TAF1B: variants seen among roughly 807,000 people sequenced by gnomAD.
TAF1B encodes the protein TATA-box binding protein associated factor, RNA polymerase I subunit B.
Under a neutral mutation model 83.9 loss-of-function variants are expected in TAF1B, and 61 were observed. The ratio of observed to expected loss-of-function variants is 0.73; its 90% confidence interval spans 0.59 to 0.90. The LOEUF (loss-of-function observed/expected upper bound fraction) is 0.90. TAF1B is among the 40% of genes least tolerant of loss of function. The pLI, the probability that TAF1B is intolerant of heterozygous loss-of-function variation, is 0.00. For missense variants in TAF1B, 625 were observed against 677.0 expected, an observed-to-expected ratio of 0.92 and a Z score of 0.85; for synonymous variants, 221 against 224.6, an observed-to-expected ratio of 0.98 and a Z score of 0.14.
Position 9,911,453 on chromosome 2 carries a change from T to C in TAF1B, c.1134-58T>C, listed in dbSNP as rs1047711314. 6.7e-6 allele frequency: 9 copies of C among 1,344,916 alleles called. No homozygotes were observed. In the Admixed American group the frequency reaches 2.3e-4, roughly 34 times the overall value. The allele number at this position is 1,344,916 out of a possible 1,614,324, so 83.3% of individuals were successfully genotyped here. A position where few individuals can be genotyped will look rare whatever the true frequency, so the allele number is the denominator to read the frequency against. ...ACTTTTCTCTCAGAAGAATTCAGAA[T>C]TTATCTTTCCAAATACATGACTTCT... On this transcript the variant is annotated intron_variant, in intron 10 of 14. Coordinates refer to ENST00000263663, the MANE Select transcript of TAF1B (RefSeq NM_005680.3).
intron 5 of TAF1B, among the ~76,000 whole-genome samples, chr2:9,859,314 G>T (rs956135825): frequency 2.6e-5 from 4 of 151,370 alleles, no homozygotes; most frequent in African/African-American, 4.9e-5. Flanking sequence ...CTTTACTCCA[G>T]TTCCCAATAA....
intron 14 of TAF1B, among the ~76,000 whole-genome samples, chr2:9,922,039 G>A (rs1220638352): frequency 9.2e-5 from 14 of 152,166 alleles, no homozygotes; most frequent in Admixed American, 9.2e-4. Flanking sequence ...TATATTTAAA[G>A]TAATCTCATC....
chr2:9,919,692 G>T lies in TAF1B; in HGVS notation c.1437G>T (p.Trp479Cys), dbSNP rs779637593. 27 of 1,613,996 alleles carry T rather than the reference G, an allele frequency of 1.7e-5. 1 individual carries two copies. In the African/African-American group the frequency reaches 2.9e-4, roughly 18 times the overall value. The part of the protein sequence containing the change: ...KKSPSSFQFN[W>C]TEEDTDRTCF... ...GCCCTTCAAGTTTTCAGTTCAACTG[G>T]ACTGAAGAGGACACTGATAGAACGT... The change falls in exon 14 of 15, where the codon TGG (tryptophan) becomes TGT (cysteine). Residue 479 changes from tryptophan (W) to cysteine (C), a missense_variant. Transcript: ENST00000263663.
At chr2:9,875,831 C>G (rs770116883) in intron 6 of TAF1B, 34 bp from the exon 7 acceptor site, 3 of 1,545,322 alleles carry the variant, frequency 1.9e-6, no homozygotes, top group Middle Eastern at 1.7e-4. Flanking sequence ...AAATAGTTCA[C>G]TGGATTTTTA....
chr2:9,867,045 C>T (rs957170466), intron 5 of TAF1B, among the ~76,000 whole-genome samples: 22 of 152,112 alleles, frequency 1.4e-4, no homozygotes, highest in African/African-American at 5.1e-4. Context: ...ATGTAAGAAA[C>T]CTGCATGTTG....
intron 8 of TAF1B, among the ~76,000 whole-genome samples, chr2:9,893,152 C>G (rs1343441003): frequency 6.6e-6 from 1 of 152,110 alleles, no homozygotes; most frequent in Non-Finnish European, 1.5e-5. Context: ...AAGAGTAGTA[C>G]AAAGAATGCC....
At chr2:9,913,370 T>C (rs1440608496) in intron 12 of TAF1B, 121 bp downstream of exon 12, 2 of 706,880 alleles carry the variant, frequency 2.8e-6, no homozygotes, top group East Asian at 5.2e-5. Context: ...TTTCTGGAAA[T>C]ATTAGCCCTA....
intron 8 of TAF1B, 119 bp downstream of exon 8, chr2:9,882,924 T>C: frequency 1.6e-6 from 1 of 639,076 alleles, no homozygotes. Context: ...ATATGGAACA[T>C]CAGTCATAAT....
At chr2:9,882,561 A>G (rs1366185218) in intron 7 of TAF1B, 145 bp from the exon 8 acceptor site, 1 of 497,140 alleles carries the variant, frequency 2.0e-6, no homozygotes, top group African/African-American at 2.0e-5. Context: ...ATATGATTAG[A>G]TTTATTATCC....
At position 9,894,252 on chromosome 2, in the gene TAF1B, C is replaced by A. The variant is rs559074707; in HGVS notation, c.808-10607C>A. ...AAACAGTAAGTTTAAACACTATTTT[C>A]AGAAAAATTCAAATTGATCTGTTGG... On this transcript the variant is annotated intron_variant, in intron 8 of 14. Coordinates refer to ENST00000263663, the MANE Select transcript of TAF1B (RefSeq NM_005680.3). Among the ~76,000 whole-genome samples the A allele has an allele frequency of 8.4e-3, 1,278 of 151,682 alleles. 38 individuals carry two copies. The highest frequency in any genetic ancestry group is 0.01 in the Middle Eastern group (3 of 292).
Position 9,849,954 on chromosome 2 carries a change from G to A in TAF1B, c.205+494G>A, listed in dbSNP as rs117670086. 1.1e-3 allele frequency among the ~76,000 whole-genome samples: 168 copies of A among 152,088 alleles called. 1 individual carries two copies. The East Asian group carries it at 0.024, about 22-fold the overall frequency. ...ACCAAATCCCCAAGTTTGAAACCAG[G>A]CTGATGATAATGGGGACTCTTCTAC... On this transcript the variant is annotated intron_variant, in intron 3 of 14. Coordinates refer to ENST00000263663, the MANE Select transcript of TAF1B (RefSeq NM_005680.3).
chr2:9,869,953 G>C (rs753923741), intron 6 of TAF1B, among the ~76,000 whole-genome samples: 8 of 152,002 alleles, frequency 5.3e-5, no homozygotes, highest in Non-Finnish European at 1.2e-4. Flanking sequence ...AAAATCACCA[G>C]TTACTGTACC....
At chr2:9,919,965 A>T in intron 14 of TAF1B, 145 bp downstream of exon 14, 1 of 762,048 alleles carries the variant, frequency 1.3e-6, no homozygotes, top group Non-Finnish European at 2.1e-6. Flanking sequence ...TAGGAGTTCT[A>T]GGAAAGCTGG....
rs1467552089 is a variant in TAF1B at position 9,919,676 on chromosome 2, GT to G, written c.1425del (p.Gln476SerfsTer23). On this transcript the variant is annotated frameshift_variant, in exon 14 of 15. Transcript: ENST00000263663. LOFTEE classifies it high-confidence loss of function. ...ACTGCTGGAAAAAAAAGCCCTTCAA[GT>G]TTTCAGTTCAACTGGACTGAAGAGG... ...TATAGKKSPS[S>X]FQFNWTEEDT... The G allele has an allele frequency of 3.1e-6, 5 of 1,614,042 alleles. No homozygotes were observed. Among genetic ancestry groups the G allele is most frequent in the Non-Finnish European group, 4.2e-6 (5 of 1,180,032 alleles).
At chr2:9,881,959 T>A (rs2125154312) in intron 7 of TAF1B, among the ~76,000 whole-genome samples, 1 of 152,212 alleles carries the variant, frequency 6.6e-6, no homozygotes, top group South Asian at 2.1e-4. Context: ...GGAGGTAGGC[T>A]GTCACAGAAA....
chr2:9,856,298 C>A, intron 5 of TAF1B, among the ~76,000 whole-genome samples: 1 of 146,946 alleles, frequency 6.8e-6, no homozygotes. Flanking sequence ...CCTGAGAAAG[C>A]TAACTGAAAA....
rs1665447470 is a variant in TAF1B at position 9,909,289 on chromosome 2, G to A, written c.956-1447G>A. Among the ~76,000 whole-genome samples, 4 of 152,188 alleles carry A rather than the reference G, an allele frequency of 2.6e-5. No individual in the cohort carries two copies. The South Asian group carries it at 8.3e-4, about 32-fold the overall frequency. ...ATAAACCCTTAACTGTGCAATAGAA[G>A]GGTACATGCCAGGACATCTGCTTTA... On this transcript the variant is annotated intron_variant, in intron 9 of 14. Coordinates refer to ENST00000263663, the MANE Select transcript of TAF1B (RefSeq NM_005680.3).
chr2:9,923,654 G>C (rs1665946627), intron 14 of TAF1B, among the ~76,000 whole-genome samples: 1 of 150,876 alleles, frequency 6.6e-6, no homozygotes, highest in African/African-American at 2.4e-5. Context: ...ACTCCAGCCT[G>C]GGCAACAAGA....
intron 12 of TAF1B, among the ~76,000 whole-genome samples, chr2:9,918,352 T>C (rs1558266843): frequency 6.6e-6 from 1 of 152,214 alleles, no homozygotes; most frequent in Non-Finnish European, 1.5e-5. Context: ...CACTTCCTTT[T>C]GGAGTCTGGA....
Sources: allele counts gnomAD v4.1 joint callset (sites outside exome capture counted in the v4.1 genomes callset), GRCh38; gene constraint gnomAD v4.1.1; transcripts MANE v1.5; gene names NCBI Gene and HGNC (gene_info 2026-07-23, HGNC 2026-07-21).